The following DMD variants were observed in gnomAD, a reference collection of about 807,000 sequenced individuals.
DMD encodes dystrophin, also known as mutant dystrophin.
In DMD, 63 loss-of-function variants were observed where a neutral mutation model predicts 330.1. The ratio of observed to expected loss-of-function variants is 0.19; its 90% CI spans 0.16 to 0.24. The LOEUF (loss-of-function observed/expected upper bound fraction) is 0.24. Among genes scored for constraint, DMD ranks in the 10% least tolerant of loss-of-function variants. DMD has a pLI of 1.00. For missense variants in DMD, 3,344 were observed against 2,684.1 expected (o/e 1.25, Z -5.43); for synonymous variants, 1,223 against 959.8 (o/e 1.27, Z -5.07).
chrX:32,229,904 T>C (rs1401341805), intron 43 of DMD, among the ~76,000 whole-genome samples: 2 of 107,080 alleles, frequency 1.9e-5, no homozygotes, highest in African/African-American at 3.4e-5. Flanking sequence ...ACAGCATTAT[T>C]AGCTATAGGC....
rs762412274 is a variant in DMD, at chrX:32,560,377, A to C, written c.1992+5325T>G. Among the ~76,000 whole-genome samples, 5 of 111,457 alleles carry C rather than the reference A, an allele frequency of 4.5e-5. No homozygotes were observed. The South Asian group carries it at 1.9e-3, about 42-fold the overall frequency. On this transcript the variant is annotated intron_variant, in intron 16 of 78. Transcript: ENST00000357033. ...CATGTGATTTCAGTCAAATGAGGAAAGTAATGCTTCAAATCACATACATTA... is the reference window on the plus strand; with the variant it reads ...CATGTGATTTCAGTCAAATGAGGAACGTAATGCTTCAAATCACATACATTA...
chrX:32,019,598 C>T (rs1433076635), intron 44 of DMD, among the ~76,000 whole-genome samples: 1 of 110,464 alleles, frequency 9.1e-6, no homozygotes, highest in Non-Finnish European at 1.9e-5. Flanking sequence ...TACTTTTATT[C>T]GTATCTTTCT....
At chrX:32,284,990 T>A (rs2097434441) in intron 43 of DMD, among the ~76,000 whole-genome samples, 1 of 112,026 alleles carries the variant, frequency 8.9e-6, no homozygotes, top group Non-Finnish European at 1.9e-5. Context: ...CGTTAGTGTT[T>A]CTGTTTAAGT....
Position 32,637,837 on chromosome X carries a change from C to A in DMD, c.1331+6295G>T, listed in dbSNP as rs1422018987. Among the ~76,000 whole-genome samples the A allele has an allele frequency of 5.4e-4, 60 of 111,767 alleles. No homozygotes were observed. The Admixed American group carries it at 5.6e-3, about 10-fold the overall frequency. ...ATGATTCAATTACCTTCCACCAGGT[C>A]CCTCCCACAACACATGGGGATTATG... is the stretch of plus-strand genomic sequence containing the variant. On this transcript the variant is annotated intron_variant, in intron 11 of 78. Transcript: ENST00000357033.
intron 60 of DMD, among the ~76,000 whole-genome samples, chrX:31,353,999 G>C (rs1408778932): frequency 8.9e-6 from 1 of 111,940 alleles, no homozygotes. Context: ...GATCACGAAA[G>C]CTTAGAACTG....
intron 17 of DMD, among the ~76,000 whole-genome samples, chrX:32,542,071 C>T (rs2048536823): frequency 9.5e-6 from 1 of 105,214 alleles, no homozygotes; most frequent in South Asian, 4.3e-4. Context: ...ACATCTGGAG[C>T]TACATGATTT....
In DMD at chrX:31,932,083, G is replaced by GACTT; in HGVS notation, c.6755_6758dup (p.Lys2254SerfsTer20). On this transcript the variant is annotated frameshift_variant, in exon 46 of 79. Coordinates refer to ENST00000357033, the MANE Select transcript of DMD (RefSeq NM_004006.3). LOFTEE classifies it high-confidence loss of function. ...GGATTTGAGAAAATAAAATTACCTT[G>GACTT]ACTTGCTCAAGCTTTTCTTTTAGTT... is the stretch of plus-strand genomic sequence containing the variant. 1 of 1,210,742 alleles carries GACTT rather than the reference G, an allele frequency of 8.3e-7. No homozygotes were observed. Among genetic ancestry groups the GACTT allele is most frequent in the African/African-American group, 1.7e-5 (1 of 57,699 alleles).
At chrX:32,582,126 C>G (rs895686807) in intron 13 of DMD, among the ~76,000 whole-genome samples, 3 of 111,051 alleles carry the variant, frequency 2.7e-5, no homozygotes, top group African/African-American at 9.8e-5. Flanking sequence ...AAATAAATAT[C>G]CACAATACTC....
At chrX:31,482,847 C>T (rs2068419721) in intron 57 of DMD, among the ~76,000 whole-genome samples, 1 of 110,614 alleles carries the variant, frequency 9.0e-6, no homozygotes, top group African/African-American at 3.3e-5. Flanking sequence ...AGTAGGGTAA[C>T]CAACCATCTT....
chrX:31,565,945 T>C (rs780946999), intron 55 of DMD, among the ~76,000 whole-genome samples: 1 of 112,503 alleles, frequency 8.9e-6, no homozygotes, highest in Non-Finnish European at 1.9e-5. Flanking sequence ...GTCTTGCCCA[T>C]TTCCTAATTG....
intron 11 of DMD, among the ~76,000 whole-genome samples, chrX:32,625,793 A>G (rs1206190255): frequency 1.8e-5 from 2 of 112,247 alleles, no homozygotes; most frequent in Non-Finnish European, 3.8e-5. Context: ...GAGGACTACA[A>G]TTAAAACTTA....
intron 7 of DMD, among the ~76,000 whole-genome samples, chrX:32,703,575 C>T (rs1400387827): frequency 9.0e-6 from 1 of 111,335 alleles, no homozygotes; most frequent in Admixed American, 9.6e-5. Context: ...TGAGCCACCC[C>T]ATAATTATAA....
At chrX:32,683,221 G>A (rs1475200807) in intron 9 of DMD, among the ~76,000 whole-genome samples, 3 of 110,984 alleles carry the variant, frequency 2.7e-5, no homozygotes, top group African/African-American at 9.8e-5. Flanking sequence ...ATTTTCTATT[G>A]AAAGAAGGAG....
intron 67 of DMD, among the ~76,000 whole-genome samples, chrX:31,186,563 C>T (rs2041794962): frequency 9.0e-6 from 1 of 111,361 alleles, no homozygotes; most frequent in South Asian, 3.8e-4. Flanking sequence ...AGGCTTAATA[C>T]TTGGGTGACA....
At chrX:32,855,665 C>G (rs1238711786) in intron 2 of DMD, among the ~76,000 whole-genome samples, 1 of 111,969 alleles carries the variant, frequency 8.9e-6, no homozygotes, top group Non-Finnish European at 1.9e-5. Flanking sequence ...AAGTATCAAT[C>G]TAAGTGGAAC....
chrX:32,694,314 T>G (rs1044913813), intron 9 of DMD, among the ~76,000 whole-genome samples: 1 of 111,686 alleles, frequency 9.0e-6, no homozygotes. Context: ...AACTCTGATC[T>G]TAGAACCCCT....
At chrX:32,688,755 G>T (rs1303379495) in intron 9 of DMD, among the ~76,000 whole-genome samples, 14 of 111,367 alleles carry the variant, frequency 1.3e-4, no homozygotes, top group Non-Finnish European at 2.6e-4. Context: ...CTTAGCTATG[G>T]AATATTCCTT....
intron 63 of DMD, among the ~76,000 whole-genome samples, chrX:31,246,245 TAA>T (rs1328387288): frequency 8.9e-6 from 1 of 111,774 alleles, no homozygotes; most frequent in Non-Finnish European, 1.9e-5. Flanking sequence ...CTATGAAGGC[TAA>T]AAGAGATGAG....
intron 1 of DMD, among the ~76,000 whole-genome samples, chrX:33,082,264 C>T (rs762271581): frequency 8.9e-6 from 1 of 111,810 alleles, no homozygotes; most frequent in African/African-American, 3.2e-5. Flanking sequence ...AAAAGAAATT[C>T]TTTTAGATCT....
Sources: allele counts gnomAD v4.1 joint callset (sites outside exome capture counted in the v4.1 genomes callset), GRCh38; gene constraint gnomAD v4.1.1; transcripts MANE v1.5; gene names NCBI Gene and HGNC (gene_info 2026-07-23, HGNC 2026-07-21).